Variants in PLXNA1 observed in about 807,000 individuals in gnomAD.
PLXNA1 encodes the protein plexin A1.
A neutral mutation model predicts 191.7 loss-of-function variants in PLXNA1; 77 were observed. That is an observed-to-expected ratio of 0.40 (90% CI 0.33 to 0.49). The LOEUF (loss-of-function observed/expected upper bound fraction) is 0.49. Among genes scored for constraint, PLXNA1 ranks in the 20% least tolerant of loss-of-function variants. The pLI is 0.63. For synonymous variants in PLXNA1, 1,137 were observed against 1,156.4 expected, an observed-to-expected ratio of 0.98 and a Z score of 0.34; for missense variants, 2,110 against 2,660.2, an observed-to-expected ratio of 0.79 and a Z score of 4.55.
chr3:126,987,170 G>A (rs984485397), intron 1 of PLXNA1, among the ~76,000 whole-genome samples: 2 of 152,222 alleles, frequency 1.3e-5, no homozygotes, highest in Non-Finnish European at 2.9e-5. Context: ...TGCCCCTTTT[G>A]CAAATGGGGA....
At chr3:126,996,524 T>G (rs1281683169) in intron 3 of PLXNA1, among the ~76,000 whole-genome samples, 3 of 152,140 alleles carry the variant, frequency 2.0e-5, no homozygotes, top group African/African-American at 7.2e-5. Context: ...AGGTCTGTAG[T>G]GAGCCTCCCT....
intron 21 of PLXNA1, among the ~76,000 whole-genome samples, chr3:127,021,699 A>G (rs1186485906): frequency 1.3e-5 from 2 of 152,278 alleles, no homozygotes; most frequent in South Asian, 2.1e-4. Context: ...GGCCCGCTGC[A>G]GGGGTTGCTG....
intron 8 of PLXNA1, among the ~76,000 whole-genome samples, chr3:127,007,564 G>A (rs2079074973): frequency 6.6e-6 from 1 of 152,174 alleles, no homozygotes; most frequent in African/African-American, 2.4e-5. Flanking sequence ...AGGAGTGTGG[G>A]CAGGCAAGAA....
At chr3:127,000,942 C>T (rs1274026817) in intron 3 of PLXNA1, among the ~76,000 whole-genome samples, 1 of 152,200 alleles carries the variant, frequency 6.6e-6, no homozygotes, top group Non-Finnish European at 1.5e-5. Context: ...GGCTCTGTCT[C>T]CCTGGGCCCA....
rs1303718120 is a variant in PLXNA1, at chr3:127,034,683, T to A, written c.*666T>A. On this transcript the variant is annotated 3_prime_UTR_variant, in exon 32 of 32. Coordinates refer to ENST00000393409, the MANE Select transcript of PLXNA1 (RefSeq NM_032242.4). ...CCACCTCGCCCCAGAGAGGCTCTGC[T>A]CCCTCCTATGGAGGGGCTGTGGGCC... 3 of 152,622 alleles carry A rather than the reference T, an allele frequency of 2.0e-5. No individual in the cohort carries two copies. Among genetic ancestry groups the A allele is most frequent in the Non-Finnish European group, 4.4e-5 (3 of 68,052 alleles). 9.5% of individuals were successfully genotyped at this position (152,622 alleles called of 1,614,324 possible). A position where few individuals can be genotyped will look rare whatever the true frequency, so the allele number is the denominator to read the frequency against.
chr3:127,009,333 G>A (rs2079084309), intron 9 of PLXNA1, among the ~76,000 whole-genome samples: 1 of 152,054 alleles, frequency 6.6e-6, no homozygotes, highest in Admixed American at 6.5e-5. Context: ...GGAGGAAGTG[G>A]CCCCTGGAGT....
At chr3:127,011,551 C>T (rs758024821) in intron 9 of PLXNA1, among the ~76,000 whole-genome samples, 17 of 152,314 alleles carry the variant, frequency 1.1e-4, no homozygotes, top group South Asian at 4.2e-4. Flanking sequence ...TTATTGTTGC[C>T]GAAATGCTGG....
intron 14 of PLXNA1, 140 bp downstream of exon 14, chr3:127,014,971 C>A (rs2079115595): frequency 1.4e-6 from 2 of 1,414,836 alleles, no homozygotes; most frequent in South Asian, 2.8e-5. Context: ...TGCCCCTCCC[C>A]TCCTGTGCCT....
At chr3:126,996,112 T>G (rs1360734469) in intron 3 of PLXNA1, among the ~76,000 whole-genome samples, 1 of 152,168 alleles carries the variant, frequency 6.6e-6, no homozygotes, top group East Asian at 1.9e-4. Flanking sequence ...CTGCAGCAGC[T>G]GGGTCTCTGA....
rs6776842 is a variant in PLXNA1, at chr3:127,029,448, C to T, written c.4782C>T (p.Asp1594=). 10,647 of 1,613,710 alleles carry T rather than the reference C, an allele frequency of 6.6e-3. 615 individuals carry two copies. In the African/African-American group the frequency reaches 0.12, roughly 19 times the overall value. The part of the protein sequence containing the change: ...LNTLAHYQVT[D]GSSVALVPKQ... ...TGGCCCTCTGCCCACAGGTGACAGA[C>T]GGGTCCTCGGTGGCACTGGTGCCCA... The change falls in exon 27 of 32, where the codon GAC becomes GAT. Residue 1594 remains aspartate, a synonymous_variant. Transcript: ENST00000393409.
At chr3:127,009,289 C>A (rs1408087557) in intron 9 of PLXNA1, among the ~76,000 whole-genome samples, 1 of 152,028 alleles carries the variant, frequency 6.6e-6, no homozygotes, top group East Asian at 1.9e-4. Context: ...CCCTCCCCAT[C>A]CATGCCATGA....
Position 127,024,596 on chromosome 3 carries a change from C to T in PLXNA1, c.4362+1778C>T, listed in dbSNP as rs138755906. On this transcript the variant is annotated intron_variant, in intron 23 of 31. Coordinates refer to ENST00000393409, the MANE Select transcript of PLXNA1 (RefSeq NM_032242.4). ...GGGGCTTCACAGCCCATGCCCATGACCCCAGCCCACCCTCGTTGTTAGTGG... is the reference window on the plus strand; with the variant it reads ...GGGGCTTCACAGCCCATGCCCATGATCCCAGCCCACCCTCGTTGTTAGTGG... 6.8e-3 allele frequency among the ~76,000 whole-genome samples: 1,030 copies of T among 152,258 alleles called. 5 individuals are homozygous for T. Among genetic ancestry groups the T allele is most frequent in the Non-Finnish European group, 9.6e-3 (654 of 68,006 alleles).
intron 9 of PLXNA1, among the ~76,000 whole-genome samples, chr3:127,010,518 C>T (rs1391319737): frequency 6.6e-6 from 1 of 152,132 alleles, no homozygotes; most frequent in Admixed American, 6.5e-5. Flanking sequence ...GGGTGTGGCC[C>T]AGGCAGCCAG....
intron 2 of PLXNA1, among the ~76,000 whole-genome samples, chr3:126,990,615 C>T (rs2078985526): frequency 6.6e-6 from 1 of 152,206 alleles, no homozygotes; most frequent in South Asian, 2.1e-4. Flanking sequence ...AGGGGAAGGC[C>T]TCGCCCTCTC....
chr3:127,029,363 C>T (rs2079194166), intron 26 of PLXNA1, 77 bp from the exon 27 acceptor site: 2 of 1,393,468 alleles, frequency 1.4e-6, no homozygotes, highest in Admixed American at 1.7e-5. Flanking sequence ...TCACCGGGGT[C>T]CCCAGCCGGG....
chr3:126,997,053 G>A (rs1038829224), intron 3 of PLXNA1, among the ~76,000 whole-genome samples: 1 of 152,202 alleles, frequency 6.6e-6, no homozygotes, highest in African/African-American at 2.4e-5. Context: ...GTGCTGCTAT[G>A]TGGGCTCTGG....
At chr3:127,010,526 C>A (rs894920365) in intron 9 of PLXNA1, among the ~76,000 whole-genome samples, 13 of 152,156 alleles carry the variant, frequency 8.5e-5, no homozygotes, top group African/African-American at 2.9e-4. Context: ...CCCAGGCAGC[C>A]AGTCAGCTTC....
intron 23 of PLXNA1, 57 bp from the exon 24 acceptor site, chr3:127,027,883 C>T (rs1458743102): frequency 7.5e-6 from 12 of 1,607,124 alleles, no homozygotes; most frequent in East Asian, 4.5e-5. Flanking sequence ...GGTGGAGGGG[C>T]AGGTTGGGGG....
intron 3 of PLXNA1, among the ~76,000 whole-genome samples, chr3:126,994,723 C>G (rs540751393): frequency 6.6e-6 from 1 of 152,142 alleles, no homozygotes; most frequent in African/African-American, 2.4e-5. Flanking sequence ...GCTGACCCAA[C>G]CTGTGTGTGG....
Sources: gnomAD v4.1 joint callset for allele counts (sites outside exome capture counted in the v4.1 genomes callset) on GRCh38, gnomAD v4.1.1 for gene constraint, MANE v1.5 for transcripts, NCBI Gene and HGNC (gene_info 2026-07-23, HGNC 2026-07-21) for gene names.